MACROD2: variants seen among roughly 807,000 people sequenced by gnomAD.
The protein encoded by MACROD2 is mono-ADP ribosylhydrolase 2.
In MACROD2, 36 loss-of-function variants were observed where a neutral mutation model predicts 70.4. That is an observed-to-expected ratio of 0.51 (90% CI 0.39 to 0.68). The LOEUF (loss-of-function observed/expected upper bound fraction) is 0.68, where lower values mean the gene tolerates loss of function less well. MACROD2 is among the 30% of genes least tolerant of loss of function. The pLI is 0.00. For missense variants in MACROD2, 496 were observed against 538.4 expected, an observed-to-expected ratio of 0.92 and a Z score of 0.78; for synonymous variants, 172 against 178.8, an observed-to-expected ratio of 0.96 and a Z score of 0.30.
At chr20:14,967,618 A>G (rs543378853) in intron 5 of MACROD2, among the ~76,000 whole-genome samples, 1 of 152,282 alleles carries the variant, frequency 6.6e-6, no homozygotes, top group East Asian at 1.9e-4. Flanking sequence ...TCTACAAATT[A>G]GACTTAAATG....
intron 3 of MACROD2, among the ~76,000 whole-genome samples, chr20:14,167,787 T>C (rs1054662642): frequency 6.6e-6 from 1 of 152,236 alleles, no homozygotes; most frequent in African/African-American, 2.4e-5. Context: ...TAATACTTTC[T>C]ATGTATAAAA....
intron 5 of MACROD2, among the ~76,000 whole-genome samples, chr20:15,001,526 A>ATAT (rs1004322384): frequency 1.1e-4 from 16 of 152,140 alleles, no homozygotes; most frequent in Middle Eastern, 3.4e-3. Context: ...TATTTATAAC[A>ATAT]TATTATTATT....
chr20:14,465,566 T>A (rs141847053), intron 3 of MACROD2, among the ~76,000 whole-genome samples: 2,768 of 152,190 alleles, frequency 0.018, 85 homozygotes, highest in African/African-American at 0.062. Context: ...GTGAATTTGA[T>A]CCTGTCATTA....
chr20:15,583,088 G>A (rs776393100), intron 8 of MACROD2, among the ~76,000 whole-genome samples: 15 of 152,096 alleles, frequency 9.9e-5, no homozygotes, highest in Non-Finnish European at 1.3e-4. Context: ...GGTTTGTGTC[G>A]ATGCTATTCA....
At chr20:15,051,555 T>C (rs1358583892) in intron 5 of MACROD2, among the ~76,000 whole-genome samples, 2 of 152,148 alleles carry the variant, frequency 1.3e-5, no homozygotes, top group Non-Finnish European at 1.5e-5. Flanking sequence ...AGTTTTGCTC[T>C]TAAAGCCTTT....
chr20:14,599,752 G>A (rs1401913416), intron 4 of MACROD2, among the ~76,000 whole-genome samples: 1 of 152,186 alleles, frequency 6.6e-6, no homozygotes, highest in African/African-American at 2.4e-5. Context: ...AGGGCAGACA[G>A]TGACAGAAGT....
At chr20:15,769,084 T>C (rs2051577618) in intron 8 of MACROD2, among the ~76,000 whole-genome samples, 1 of 152,250 alleles carries the variant, frequency 6.6e-6, no homozygotes, top group Admixed American at 6.5e-5. Flanking sequence ...TTTAAAATAA[T>C]GATAAAAAGT....
At chr20:14,175,235 A>G (rs2224738) in intron 3 of MACROD2, among the ~76,000 whole-genome samples, 82,532 of 151,750 alleles carry the variant, frequency 0.54, 23,564 homozygotes, top group Non-Finnish European at 0.63. Context: ...CTTAGCCTAC[A>G]TTTTCTTCTA....
chr20:15,003,706 T>C (rs950269536), intron 5 of MACROD2, among the ~76,000 whole-genome samples: 1 of 152,034 alleles, frequency 6.6e-6, no homozygotes, highest in African/African-American at 2.4e-5. Context: ...GCCCCCAAAC[T>C]CAAACACTTT....
intron 5 of MACROD2, among the ~76,000 whole-genome samples, chr20:15,052,972 A>G (rs768834399): frequency 6.6e-6 from 1 of 152,238 alleles, no homozygotes; most frequent in Non-Finnish European, 1.5e-5. Flanking sequence ...TGGTCTGGAC[A>G]GAAGATCAAA....
chr20:14,462,682 T>G (rs2084386674), intron 3 of MACROD2, among the ~76,000 whole-genome samples: 2 of 152,154 alleles, frequency 1.3e-5, no homozygotes, highest in South Asian at 4.1e-4. Context: ...AACATGTAAG[T>G]CTTTAATCCA....
intron 3 of MACROD2, among the ~76,000 whole-genome samples, chr20:14,327,994 C>A (rs2082766384): frequency 6.6e-6 from 1 of 151,926 alleles, no homozygotes; most frequent in African/African-American, 2.4e-5. Context: ...TATCAAAAAA[C>A]CACACATTTT....
chr20:16,042,748 A>G (rs575298048), intron 16 of MACROD2, among the ~76,000 whole-genome samples: 1 of 152,174 alleles, frequency 6.6e-6, no homozygotes, highest in South Asian at 2.1e-4. Context: ...TTATACTTAC[A>G]TAGGGTTGCT....
chr20:14,964,297 G>T (rs1334750554), intron 5 of MACROD2, among the ~76,000 whole-genome samples: 1 of 152,120 alleles, frequency 6.6e-6, no homozygotes, highest in Non-Finnish European at 1.5e-5. Flanking sequence ...CACAGGCCGG[G>T]CGCGGTGGCT....
intron 8 of MACROD2, among the ~76,000 whole-genome samples, chr20:15,804,096 G>T (rs1270217981): frequency 1.3e-5 from 2 of 152,212 alleles, no homozygotes; most frequent in Non-Finnish European, 1.5e-5. Flanking sequence ...CCAACTCAGT[G>T]CTTGGCTTTT....
intron 3 of MACROD2, chr20:14,127,682 G>T: frequency 2.6e-6 from 1 of 387,752 alleles, no homozygotes; most frequent in Non-Finnish European, 4.9e-6. Flanking sequence ...TCCACTGCAT[G>T]CTAATTATGT....
At chr20:14,626,487 T>C (rs1984170786) in intron 4 of MACROD2, among the ~76,000 whole-genome samples, 1 of 152,158 alleles carries the variant, frequency 6.6e-6, no homozygotes, top group Non-Finnish European at 1.5e-5. Flanking sequence ...TTACCACCTC[T>C]CCTAGTCACC....
rs546631207 is a variant in MACROD2 at position 14,174,430 on chromosome 20, A to G, written c.271+88702A>G. ...TATGGCTTCCTCTGCTGTAACATGCATGTTTCCAGGGAAGTCAGGGAAAGC... is the reference window on the plus strand; with the variant it reads ...TATGGCTTCCTCTGCTGTAACATGCGTGTTTCCAGGGAAGTCAGGGAAAGC... On this transcript the variant is annotated intron_variant, in intron 3 of 17. Coordinates refer to ENST00000684519, the MANE Select transcript of MACROD2 (RefSeq NM_001351661.2). Among the ~76,000 whole-genome samples, 13 of 152,204 alleles carry G rather than the reference A, an allele frequency of 8.5e-5. No homozygotes were observed. In the South Asian group the frequency reaches 2.7e-3, roughly 32 times the overall value.
intron 3 of MACROD2, among the ~76,000 whole-genome samples, chr20:14,362,622 GA>G (rs2083232897): frequency 1.3e-5 from 2 of 152,016 alleles, no homozygotes; most frequent in Admixed American, 1.3e-4. Flanking sequence ...AGACCCCTAC[GA>G]AAACCAAACT....
Sources: allele counts gnomAD v4.1 joint callset (sites outside exome capture counted in the v4.1 genomes callset), GRCh38; gene constraint gnomAD v4.1.1; transcripts MANE v1.5; gene names NCBI Gene and HGNC (gene_info 2026-07-23, HGNC 2026-07-21).